Variants in ZNF324B observed in about 807,000 individuals in gnomAD.
The protein encoded by ZNF324B is zinc finger protein 324B.
ZNF324B carries 7 observed loss-of-function variants against 10.6 expected under a neutral mutation model. That is an observed-to-expected ratio of 0.66 (90% confidence interval 0.38 to 1.24). The LOEUF is 1.24. Ranked by LOEUF, ZNF324B falls within the 50% of genes most tolerant of loss-of-function variation. The pLI is 0.02. For missense variants in ZNF324B, 640 were observed against 764.7 expected, an observed-to-expected ratio of 0.84 and a Z score of 1.92; for synonymous variants, 316 against 321.0, an observed-to-expected ratio of 0.98 and a Z score of 0.17.
At chr19:58,433,050 G>C in the ZNF324B span, 5 of 353,196 alleles carry the variant, frequency 1.4e-5, no homozygotes, top group African/African-American at 2.4e-5. Flanking sequence ...AGGAAGGAAG[G>C]CTCAGGGTAC....
At chr19:58,441,698 T>C in the ZNF324B span, 7 of 152,362 alleles carry the variant, frequency 4.6e-5, no homozygotes, top group African/African-American at 1.7e-4. Context: ...CCAGACTGCA[T>C]TATGTTGGTG....
chr19:58,437,197 C>T, the ZNF324B span: 11 of 1,606,522 alleles, frequency 6.8e-6, no homozygotes, highest in Non-Finnish European at 9.3e-6. Context: ...ACAGCTGAGC[C>T]ACAGGGCCAA....
upstream of ZNF324B, among the ~76,000 whole-genome samples, chr19:58,450,673 T>C (rs1467829567): frequency 2.6e-5 from 4 of 152,134 alleles, no homozygotes; most frequent in African/African-American, 9.7e-5. Flanking sequence ...TAGCTGACAG[T>C]AGACAGATAT....
chr19:58,427,349 C>CTTTCTTTCTTTCTTTCTCTTTT, the ZNF324B span, among the ~76,000 whole-genome samples: 1 of 55,960 alleles, frequency 1.8e-5, no homozygotes, highest in Non-Finnish European at 3.5e-5. Context: ...CTTTCTCTTT[C>CTTTCTTTCTTTCTTTCTCTTTT]CTTTCTTTCT....
Position 58,451,656 on chromosome 19 carries a change from G to A in ZNF324B, c.-55G>A, listed in dbSNP as rs765672998. On this transcript the variant is annotated 5_prime_UTR_variant, in exon 1 of 4. Coordinates refer to ENST00000336614, the MANE Select transcript of ZNF324B (RefSeq NM_207395.3). ...CTGCTCGCGTCAGGCCACACCGGTG[G>A]TCTGGGCTGTGGCGCGCGGGTCGGG... is the stretch of plus-strand genomic sequence containing the variant. 1 of 513,148 alleles carries A rather than the reference G, an allele frequency of 1.9e-6. No homozygotes were observed. The highest frequency in any genetic ancestry group is 3.9e-6 in the Non-Finnish European group (1 of 257,382). The allele number at this position is 513,148 out of a possible 1,614,324, so 31.8% of individuals were successfully genotyped here. A position where few individuals can be genotyped will look rare whatever the true frequency, so the allele number is the denominator to read the frequency against.
chr19:58,437,255 A>G, the ZNF324B span: 1 of 1,548,872 alleles, frequency 6.5e-7, no homozygotes, highest in Non-Finnish European at 8.7e-7. Context: ...GGAAATATGC[A>G]GGACCTTGCT....
upstream of ZNF324B, among the ~76,000 whole-genome samples, chr19:58,450,949 C>T (rs780143728): frequency 2.6e-5 from 4 of 152,302 alleles, no homozygotes; most frequent in Non-Finnish European, 5.9e-5. Context: ...ACTAGATGGT[C>T]TAAGGACAAG....
At position 58,456,288 on chromosome 19, in the gene ZNF324B, G is replaced by T. The variant is rs140928628; in HGVS notation, c.1344G>T (p.Thr448=). 8.4e-4 allele frequency: 1,350 copies of T among 1,612,908 alleles called. 13 individuals carry two copies. The South Asian group carries it at 9.1e-3, about 11-fold the overall frequency. Residue 448 remains threonine (T), a synonymous_variant, in exon 4 of 4, where the codon ACG becomes ACT. Coordinates refer to ENST00000336614, the MANE Select transcript of ZNF324B (RefSeq NM_207395.3). The surrounding 1 kb of genome is among the most constrained non-coding windows in gnomAD (Gnocchi z 4.7). ...TCACCCAGCACCAGCTCCTGCACAC[G>T]GGCGAGCGGCCCTTCCGCTGCGTGG... The part of the protein sequence containing the change: ...SNLTQHQLLH[T]GERPFRCVDC...
rs1458059012 is a variant in ZNF324B, at chr19:58,456,179, T to G, written c.1235T>G (p.Leu412Arg). The change falls in exon 4 of 4, where the codon CTC (leucine) becomes CGC (arginine). Residue 412 changes from leucine to arginine, a missense_variant. Leu to Arg is a moderately radical substitution (Grantham distance 102, BLOSUM62 -2). This residue lies in a region of ZNF324B where 238 missense variants were observed against 258.0 expected (regional missense o/e 0.92). Coordinates refer to ENST00000336614, the MANE Select transcript of ZNF324B (RefSeq NM_207395.3). This position sits in a 1 kb window ranked among gnomAD's most constrained non-coding sequence, Gnocchi z 4.7. The part of the protein sequence containing the change: ...CGAAFSQGSS[L>R]FLHQRVHTGE... ...GCTGCCTTCAGCCAGGGCTCCTCGC[T>G]CTTTTTGCACCAGCGCGTGCACACA... 6.2e-7 allele frequency: 1 copy of G among 1,613,192 alleles called. No individual in the cohort carries two copies. The highest frequency in any genetic ancestry group is 2.2e-5 in the East Asian group (1 of 44,876).
the ZNF324B span, chr19:58,433,136 T>C: frequency 1.6e-6 from 1 of 642,812 alleles, no homozygotes; most frequent in East Asian, 2.7e-5. Context: ...CTATGGCTTC[T>C]GCCTTATGCT....
the ZNF324B span, chr19:58,440,380 A>T: frequency 6.5e-6 from 1 of 154,258 alleles, no homozygotes; most frequent in South Asian, 1.7e-4. Context: ...AGGGCTGGCC[A>T]TTGGCAGCCG....
chr19:58,453,368 G>A, intron 1 of ZNF324B: 1 of 410,280 alleles, frequency 2.4e-6, no homozygotes, highest in South Asian at 2.3e-5. Context: ...GGCACATCTG[G>A]GGAGGGTCAT....
rs748102219 is a variant in ZNF324B, at chr19:58,455,122, G to C, written c.239-61G>C. 6.2e-7 allele frequency: 1 copy of C among 1,611,218 alleles called. No individual in the cohort carries two copies. Among genetic ancestry groups the C allele is most frequent in the South Asian group, 1.1e-5 (1 of 90,960 alleles). On this transcript the variant is annotated intron_variant, in intron 3 of 3. Transcript: ENST00000336614. This position sits in a 1 kb window ranked among gnomAD's most constrained non-coding sequence, Gnocchi z 7.0. ...GGGCTCCCCCTTGCCTGTCCACTCA[G>C]CCTGCCCTGGTCCTCTCCTAACCAG...
the ZNF324B span, among the ~76,000 whole-genome samples, chr19:58,427,919 T>C: frequency 6.6e-6 from 1 of 152,170 alleles, no homozygotes; most frequent in Non-Finnish European, 1.5e-5. Context: ...ATGGCTCAGC[T>C]AACCTTTAAT....
chr19:58,439,989 C>A, the ZNF324B span: 1 of 666,974 alleles, frequency 1.5e-6, no homozygotes, highest in Non-Finnish European at 2.5e-6. Flanking sequence ...GTGGCGCTGG[C>A]TCCACTTTCG....
chr19:58,424,573 G>C, the ZNF324B span, among the ~76,000 whole-genome samples: 1 of 152,130 alleles, frequency 6.6e-6, no homozygotes, highest in African/African-American at 2.4e-5. Context: ...AAATGAAAAA[G>C]ACAAACATAC....
At position 58,456,868 on chromosome 19, in the gene ZNF324B, G is replaced by C. The variant is rs1477038377; in HGVS notation, c.*289G>C. On this transcript the variant is annotated 3_prime_UTR_variant, in exon 4 of 4. Transcript: ENST00000336614. This position sits in a 1 kb window ranked among gnomAD's most constrained non-coding sequence, Gnocchi z 4.7. ...GAGGCTGTAGTTGGGGCCATAGGAC[G>C]CCGACAAAGGCAGCGCTGCATGGTG... 1.9e-6 allele frequency: 1 copy of C among 526,858 alleles called. No individual in the cohort carries two copies. The highest frequency in any genetic ancestry group is 3.1e-5 in the East Asian group (1 of 32,166). 32.6% of individuals were successfully genotyped at this position (526,858 alleles called of 1,614,324 possible).
the ZNF324B span, among the ~76,000 whole-genome samples, chr19:58,428,324 A>G: frequency 6.6e-6 from 1 of 152,232 alleles, no homozygotes; most frequent in East Asian, 1.9e-4. Flanking sequence ...TTGCATTGAA[A>G]TGTTTTTGGA....
At chr19:58,430,665 TG>T in the ZNF324B span, 7 of 152,266 alleles carry the variant, frequency 4.6e-5, no homozygotes, top group African/African-American at 1.4e-4. Flanking sequence ...ATTCCTTAGA[TG>T]CAGGGGTTTT....
Sources: allele counts gnomAD v4.1 joint callset (sites outside exome capture counted in the v4.1 genomes callset), GRCh38; gene constraint gnomAD v4.1.1; regional missense constraint gnomAD v4.1.1; non-coding constraint Gnocchi (gnomAD v3.1); transcripts MANE v1.5; gene names NCBI Gene and HGNC (gene_info 2026-07-23, HGNC 2026-07-21).